Variants in PCDH11Y observed in about 807,000 individuals in gnomAD.
The protein encoded by PCDH11Y is protocadherin-11 Y-linked.
For missense variants in PCDH11Y, 12 were observed against 224.8 expected, an observed-to-expected ratio of 0.05 and a Z score of 6.05; for synonymous variants, 9 against 83.6, an observed-to-expected ratio of 0.11 and a Z score of 4.87.
intron 4 of PCDH11Y, among the ~76,000 whole-genome samples, chrY:5,629,505 C>T (rs2053510603): frequency 2.9e-5 from 1 of 34,640 alleles, no homozygotes; most frequent in Non-Finnish European, 7.3e-5. Flanking sequence ...AAGAGAAGCA[C>T]TTTAGCTGTG....
Position 5,562,786 on chromosome Y carries a change from A to G in PCDH11Y, c.3329-18989A>G, listed in dbSNP as rs1602943633. Among the ~76,000 whole-genome samples, 9 of 30,573 alleles carry G rather than the reference A, an allele frequency of 2.9e-4. No homozygotes were observed. In the East Asian group the frequency reaches 4.9e-3, roughly 17 times the overall value. The allele number at this position is 30,573 out of a possible 37,273, so 82.0% of individuals were successfully genotyped here. A position where few individuals can be genotyped will look rare whatever the true frequency, so the allele number is the denominator to read the frequency against. On this transcript the variant is annotated intron_variant, in intron 3 of 4. Coordinates refer to the PCDH11Y transcript ENST00000400457. ...CCGTCTCAAAAAAAAAAAAAAAAAA[A>G]AAAAAAGAAATTGTAATAAACTATT...
intron 1 of PCDH11Y, among the ~76,000 whole-genome samples, chrY:5,066,554 A>C: frequency 3.0e-5 from 1 of 33,650 alleles, no homozygotes; most frequent in African/African-American, 1.2e-4. Flanking sequence ...AAGCTAATGC[A>C]TATTCAATTA....
chrY:5,105,455 C>T (rs2052789698), downstream of PCDH11Y: 1 of 87,297 alleles, frequency 1.1e-5, no homozygotes, highest in African/African-American at 1.2e-4. Flanking sequence ...GGCGAAACCC[C>T]GTCTCTTCTA....
intron 2 of PCDH11Y, among the ~76,000 whole-genome samples, chrY:5,326,163 C>T (rs1602904698): frequency 1.2e-4 from 4 of 32,986 alleles, no homozygotes; most frequent in Non-Finnish European, 2.2e-4. Context: ...TGAGGAATTA[C>T]GTCTGACAGA....
intron 2 of PCDH11Y, among the ~76,000 whole-genome samples, chrY:5,200,962 C>T: frequency 5.9e-5 from 2 of 33,706 alleles, no homozygotes; most frequent in African/African-American, 1.2e-4. Flanking sequence ...ATTGATGTTC[C>T]TCTTCAAGGC....
chrY:5,123,080 CTG>C (rs2052820651), intron 2 of PCDH11Y, among the ~76,000 whole-genome samples: 1 of 32,721 alleles, frequency 3.1e-5, no homozygotes, highest in Non-Finnish European at 7.4e-5. Context: ...TGTGTCTACT[CTG>C]TGTCAGGCAC....
At chrY:5,499,258 T>A in intron 2 of PCDH11Y, among the ~76,000 whole-genome samples, 1 of 33,505 alleles carries the variant, frequency 3.0e-5, no homozygotes, top group East Asian at 7.8e-4. Flanking sequence ...CTCATACTAA[T>A]TCTGCTAAGA....
At chrY:5,135,677 C>T (rs1602873721) in intron 2 of PCDH11Y, among the ~76,000 whole-genome samples, 1 of 33,404 alleles carries the variant, frequency 3.0e-5, no homozygotes, top group African/African-American at 1.2e-4. Context: ...CCTGCCCCCA[C>T]ATGACAGTAT....
chrY:5,413,822 G>C, intron 2 of PCDH11Y, among the ~76,000 whole-genome samples: 1 of 32,770 alleles, frequency 3.1e-5, no homozygotes, highest in African/African-American at 1.2e-4. Context: ...GTTTAGTCTT[G>C]AGAGGTTGTA....
At chrY:5,630,987 C>T in intron 4 of PCDH11Y, among the ~76,000 whole-genome samples, 1 of 32,801 alleles carries the variant, frequency 3.0e-5, no homozygotes, top group Non-Finnish European at 7.5e-5. Flanking sequence ...TGATGGTGTA[C>T]ATACTATTAT....
At chrY:5,280,297 A>T in intron 2 of PCDH11Y, among the ~76,000 whole-genome samples, 1 of 32,065 alleles carries the variant, frequency 3.1e-5, no homozygotes, top group Non-Finnish European at 7.6e-5. Context: ...TCACCGTCTG[A>T]TAGGCCCCAG....
At chrY:5,516,657 G>A in intron 3 of PCDH11Y, among the ~76,000 whole-genome samples, 1 of 32,563 alleles carries the variant, frequency 3.1e-5, no homozygotes, top group Non-Finnish European at 7.5e-5. Flanking sequence ...TGTTTGTTTT[G>A]TAGAGTGTGA....
At chrY:5,360,330 C>CGT (rs554505426) in intron 2 of PCDH11Y, among the ~76,000 whole-genome samples, 273 of 23,589 alleles carry the variant, frequency 0.012, no homozygotes, top group African/African-American at 0.029. Flanking sequence ...GAAGTGTGTG[C>CGT]GTGTGTGTGT....
At chrY:5,659,146 T>C in intron 4 of PCDH11Y, among the ~76,000 whole-genome samples, 1 of 32,704 alleles carries the variant, frequency 3.1e-5, no homozygotes, top group African/African-American at 1.2e-4. Context: ...CTCTGTGTGC[T>C]GAGCCACCTG....
chrY:5,232,186 G>T, intron 2 of PCDH11Y, among the ~76,000 whole-genome samples: 1 of 32,674 alleles, frequency 3.1e-5, no homozygotes, highest in Non-Finnish European at 7.5e-5. Flanking sequence ...CACAGCTTTT[G>T]GTTGTGCTGG....
At chrY:5,264,390 G>C (rs2562926) in intron 2 of PCDH11Y, among the ~76,000 whole-genome samples, 376 of 31,212 alleles carry the variant, frequency 0.012, no homozygotes, top group Middle Eastern at 0.094. Flanking sequence ...TGTGCTGGGT[G>C]TCACCTGAAG....
chrY:5,085,779 T>TTGTGTG (rs538114004), intron 1 of PCDH11Y, among the ~76,000 whole-genome samples: 2 of 25,017 alleles, frequency 8.0e-5, no homozygotes, highest in East Asian at 1.1e-3. Flanking sequence ...TGGAGCTCCA[T>TTGTGTG]TGTGTGTGTG....
downstream of PCDH11Y, among the ~76,000 whole-genome samples, chrY:5,109,435 A>G: frequency 3.0e-5 from 1 of 33,699 alleles, no homozygotes; most frequent in South Asian, 6.4e-4. Context: ...GTTCTTTATA[A>G]CAGTAATTCT....
chrY:5,507,331 C>T, intron 3 of PCDH11Y, among the ~76,000 whole-genome samples: 1 of 32,283 alleles, frequency 3.1e-5, no homozygotes, highest in Admixed American at 2.9e-4. Flanking sequence ...ACACGTCTTA[C>T]GATACCATCC....
Sources: allele counts gnomAD v4.1 joint callset (sites outside exome capture counted in the v4.1 genomes callset), GRCh38; gene constraint gnomAD v4.1.1; transcripts MANE v1.5; gene names NCBI Gene and HGNC (gene_info 2026-07-23, HGNC 2026-07-21).